Variants in KDM4B observed in about 807,000 individuals in gnomAD.
The protein encoded by KDM4B is lysine demethylase 4B.
A neutral mutation model predicts 125.2 loss-of-function variants in KDM4B; 32 were observed. The observed-to-expected ratio is 0.26, with a 90% CI of 0.19 to 0.34. KDM4B has a LOEUF of 0.34. Among genes scored for constraint, KDM4B ranks in the 10% least tolerant of loss-of-function variants. The pLI is 1.00. For missense variants in KDM4B, 1,190 were observed against 1,577.7 expected (o/e 0.75, Z 4.16); for synonymous variants, 721 against 677.9 (o/e 1.06, Z -0.99).
intron 2 of KDM4B, among the ~76,000 whole-genome samples, chr19:5,027,796 C>T (rs1011951029): frequency 2.0e-5 from 3 of 152,156 alleles, no homozygotes; most frequent in African/African-American, 7.2e-5. Flanking sequence ...CCACCTTGGC[C>T]TCACAAAGTG....
intron 6 of KDM4B, among the ~76,000 whole-genome samples, chr19:5,063,424 G>T (rs1599537353): frequency 6.6e-6 from 1 of 152,148 alleles, no homozygotes; most frequent in African/African-American, 2.4e-5. Flanking sequence ...ATTCCCTACT[G>T]CTTGCCAACC....
Position 5,110,637 on chromosome 19 carries a change from G to C in KDM4B, c.934G>C (p.Asp312His). 6.2e-7 allele frequency: 1 copy of C among 1,612,996 alleles called. No homozygotes were observed. Among genetic ancestry groups the C allele is most frequent in the South Asian group, 1.1e-5 (1 of 91,072 alleles). ...KVATQCTCRK[D>H]MVKISMDVFV... ...CCTGCCGCAGTGCACGTGCCGGAAG[G>C]ACATGGTCAAGATCTCCATGGACGT... Residue 312 changes from aspartate to histidine, a missense_variant, in exon 10 of 23, where the codon GAC becomes CAC. Coordinates refer to ENST00000159111, the MANE Select transcript of KDM4B (RefSeq NM_015015.3).
chr19:5,016,183 G>A (rs2035887506), intron 1 of KDM4B, 74 bp from the exon 2 acceptor site: 3 of 152,220 alleles, frequency 2.0e-5, no homozygotes, highest in South Asian at 2.1e-4. Flanking sequence ...TACAGCTGGT[G>A]GGAGTCGAAT....
chr19:5,095,888 C>A (rs1285813080), intron 9 of KDM4B, among the ~76,000 whole-genome samples: 1 of 152,238 alleles, frequency 6.6e-6, no homozygotes, highest in Non-Finnish European at 1.5e-5. Flanking sequence ...GGGAATCAGA[C>A]CCTGGCAGGG....
At chr19:5,119,174 C>G in intron 10 of KDM4B, 2 of 1,535,378 alleles carry the variant, frequency 1.3e-6, no homozygotes, top group South Asian at 2.4e-5. Flanking sequence ...GAGAGGAAAC[C>G]AAGTCTAGAA....
intron 1 of KDM4B, among the ~76,000 whole-genome samples, chr19:4,985,754 C>T (rs1173109233): frequency 6.6e-6 from 1 of 152,244 alleles, no homozygotes; most frequent in Non-Finnish European, 1.5e-5. Flanking sequence ...TCACTGCCCC[C>T]AGCGTTGGGC....
At chr19:5,134,444 T>C (rs888104237) in intron 14 of KDM4B, among the ~76,000 whole-genome samples, 1 of 152,130 alleles carries the variant, frequency 6.6e-6, no homozygotes, top group Non-Finnish European at 1.5e-5. Flanking sequence ...AACCCTGGCC[T>C]GTCTAGCTGA....
intron 1 of KDM4B, 132 bp downstream of exon 1, chr19:4,969,362 G>A (rs1313648882): frequency 7.0e-6 from 1 of 143,728 alleles, no homozygotes; most frequent in Non-Finnish European, 1.5e-5. Context: ...GGCCTGCTCG[G>A]GCCGGGCCTC....
chr19:5,105,232 A>G (rs2145967148), intron 9 of KDM4B, among the ~76,000 whole-genome samples: 1 of 152,376 alleles, frequency 6.6e-6, no homozygotes, highest in Admixed American at 6.5e-5. Flanking sequence ...AGGGGCAGTC[A>G]GAGGCCCGGA....
At chr19:5,055,423 C>T (rs1220042700) in intron 6 of KDM4B, among the ~76,000 whole-genome samples, 1 of 152,252 alleles carries the variant, frequency 6.6e-6, no homozygotes, top group Non-Finnish European at 1.5e-5. Flanking sequence ...TCCAAGCTCT[C>T]CTCCAGAGCC....
chr19:5,077,535 C>G, intron 8 of KDM4B, 65 bp downstream of exon 8: 1 of 1,331,206 alleles, frequency 7.5e-7, no homozygotes, highest in Non-Finnish European at 1.1e-6. Context: ...CCCAGGTGGC[C>G]GCACATACCC....
chr19:5,122,800 C>G (rs900290126), intron 11 of KDM4B, among the ~76,000 whole-genome samples: 2 of 152,238 alleles, frequency 1.3e-5, no homozygotes, highest in Admixed American at 6.5e-5. Flanking sequence ...CTCTGGGAAG[C>G]GCTGCAGACA....
At chr19:5,083,884 T>C (rs1414848045) in intron 9 of KDM4B, among the ~76,000 whole-genome samples, 2 of 152,006 alleles carry the variant, frequency 1.3e-5, no homozygotes, top group African/African-American at 4.8e-5. Flanking sequence ...GATCCAGATG[T>C]GGGGGAGGTG....
rs973205922 is a variant in KDM4B at position 5,116,210 on chromosome 19, G to A, written c.1116-3443G>A. Among the ~76,000 whole-genome samples, 5 of 138,224 alleles carry A rather than the reference G, an allele frequency of 3.6e-5. 1 individual carries two copies. The highest frequency in any genetic ancestry group is 4.1e-3 in the Middle Eastern group (1 of 246). The allele number at this position is 138,224 out of a possible 152,430, so 90.7% of individuals were successfully genotyped here. A position where few individuals can be genotyped will look rare whatever the true frequency, so the allele number is the denominator to read the frequency against. Reference sequence around the variant, plus strand: ...GAGGCCCAGAGTTCGAGGTCAGCCTGGGCAACATAGCAAGACCACATCTCT... The same window carrying A: ...GAGGCCCAGAGTTCGAGGTCAGCCTAGGCAACATAGCAAGACCACATCTCT... On this transcript the variant is annotated intron_variant, in intron 10 of 22. Transcript: ENST00000159111.
chr19:4,974,899 GTCCT>G (rs1374021435), intron 1 of KDM4B, among the ~76,000 whole-genome samples: 1 of 152,036 alleles, frequency 6.6e-6, no homozygotes, highest in Non-Finnish European at 1.5e-5. Context: ...CTGTGGCCTT[GTCCT>G]TCCTTCCTTT....
At chr19:5,126,108 G>C (rs79276056) in intron 11 of KDM4B, among the ~76,000 whole-genome samples, 9,017 of 152,192 alleles carry the variant, frequency 0.059, 308 homozygotes, top group African/African-American at 0.077. Context: ...GGGGTTTTGT[G>C]TTTTCATATG....
chr19:4,982,879 G>A (rs530314852), intron 1 of KDM4B, among the ~76,000 whole-genome samples: 41 of 152,262 alleles, frequency 2.7e-4, no homozygotes, highest in African/African-American at 9.6e-4. Context: ...TGAAAATGCT[G>A]GGATGACAGG....
Position 5,035,857 on chromosome 19 carries a change from G to A in KDM4B, c.141+2826G>A, listed in dbSNP as rs377650135. Among the ~76,000 whole-genome samples the A allele has an allele frequency of 1.6e-4, 12 of 75,060 alleles. No homozygotes were observed. The highest frequency in any genetic ancestry group is 4.2e-4 in the African/African-American group (11 of 26,416). 49.2% of individuals were successfully genotyped at this position (75,060 alleles called of 152,430 possible). The stretch of plus-strand genomic sequence containing the variant: ...TGCTGTGGAGGGGCTGTGTGTGCAC[G>A]TGTCTCTGTGTGTGTGTGTGTGTGC... On this transcript the variant is annotated intron_variant, in intron 3 of 22. Transcript: ENST00000159111. This position sits in a 1 kb window ranked among gnomAD's most constrained non-coding sequence, Gnocchi z 5.3.
At chr19:5,119,249 C>G in intron 10 of KDM4B, 1 of 1,412,378 alleles carries the variant, frequency 7.1e-7, no homozygotes, top group Non-Finnish European at 9.7e-7. Flanking sequence ...CGTTTGTCGT[C>G]TAGGCATTTT....
Sources: allele counts gnomAD v4.1 joint callset (sites outside exome capture counted in the v4.1 genomes callset), GRCh38; gene constraint gnomAD v4.1.1; non-coding constraint Gnocchi (gnomAD v3.1); transcripts MANE v1.5; gene names NCBI Gene and HGNC (gene_info 2026-07-23, HGNC 2026-07-21).